The following STS variants were observed in gnomAD, a reference collection of about 807,000 sequenced individuals.
The protein encoded by STS is steroid sulfatase.
In STS, 7 loss-of-function variants were observed where a neutral mutation model predicts 26.8. The observed-to-expected ratio is 0.26, with a 90% confidence interval of 0.15 to 0.49. The LOEUF (loss-of-function observed/expected upper bound fraction) is 0.49, where lower values mean the gene tolerates loss of function less well. Among genes scored for constraint, STS ranks in the 20% least tolerant of loss-of-function variants. The probability of loss-of-function intolerance (pLI) is 0.98; values close to 1 mark genes in which losing one functional copy is unlikely to be tolerated. For synonymous variants in STS, 199 were observed against 189.4 expected, an observed-to-expected ratio of 1.05 and a Z score of -0.42; for missense variants, 434 against 465.6, an observed-to-expected ratio of 0.93 and a Z score of 0.63.
At position 7,353,428 on chromosome X, in the gene STS, A is replaced by G. The variant is rs1055548577; in HGVS notation, c.*3167A>G. Reference sequence around the variant, plus strand: ...TGCACCAACATAGTCATAAAATAGTATGTTAATATGTTTTTACTTTATATA... The same window carrying G: ...TGCACCAACATAGTCATAAAATAGTGTGTTAATATGTTTTTACTTTATATA... On this transcript the variant is annotated 3_prime_UTR_variant, in exon 11 of 11. Coordinates refer to ENST00000674429, the MANE Select transcript of STS (RefSeq NM_001320752.2). 2 of 110,752 alleles carry G rather than the reference A, an allele frequency of 1.8e-5. No homozygotes were observed. The highest frequency in any genetic ancestry group is 3.8e-5 in the Non-Finnish European group (2 of 53,013). 9.1% of individuals were successfully genotyped at this position (110,752 alleles called of 1,213,427 possible). A position where few individuals can be genotyped will look rare whatever the true frequency, so the allele number is the denominator to read the frequency against.
chrX:7,194,501 C>G lies in STS; in HGVS notation c.-5+3493C>G, dbSNP rs141393839. Among the ~76,000 whole-genome samples, 127 of 111,305 alleles carry G rather than the reference C, an allele frequency of 1.1e-3. 1 individual carries two copies. In the East Asian group the frequency reaches 0.035, roughly 30 times the overall value. ...ATAGGTCTTAGCAGAATGCAGGTCC[C>G]TCCCACAAGTCTAACCTTGGGGCCG... On this transcript the variant is annotated intron_variant, in intron 2 of 10. Coordinates refer to ENST00000674429, the MANE Select transcript of STS (RefSeq NM_001320752.2).
At chrX:7,309,231 G>A (rs1926367331) in intron 8 of STS, among the ~76,000 whole-genome samples, 1 of 111,755 alleles carries the variant, frequency 8.9e-6, no homozygotes, top group Non-Finnish European at 1.9e-5. Flanking sequence ...ATGAGATCAT[G>A]TCTTTTGTAA....
chrX:7,246,164 A>G (rs1380525982), intron 2 of STS, among the ~76,000 whole-genome samples: 1 of 112,059 alleles, frequency 8.9e-6, no homozygotes, highest in African/African-American at 3.2e-5. Flanking sequence ...AGCACACATC[A>G]TCTTGAGCCT....
intron 1 of STS, among the ~76,000 whole-genome samples, chrX:7,177,303 A>T (rs1232076897): frequency 1.8e-5 from 2 of 111,258 alleles, no homozygotes; most frequent in East Asian, 2.8e-4. Context: ...TTAGGAGTTC[A>T]TTAATAATGC....
At chrX:7,312,579 A>G (rs1926531694) in intron 8 of STS, among the ~76,000 whole-genome samples, 1 of 111,100 alleles carries the variant, frequency 9.0e-6, no homozygotes, top group Non-Finnish European at 1.9e-5. Context: ...TAATTGAATC[A>G]TGGGGGCGGG....
intron 10 of STS, among the ~76,000 whole-genome samples, chrX:7,345,057 A>G (rs1207825497): frequency 9.0e-6 from 1 of 110,924 alleles, no homozygotes; most frequent in Non-Finnish European, 1.9e-5. Flanking sequence ...AGCCAGAAGC[A>G]CTTGGGGCCC....
chrX:7,330,316 G>A (rs1927687635), intron 9 of STS, among the ~76,000 whole-genome samples: 1 of 111,698 alleles, frequency 9.0e-6, no homozygotes, highest in Non-Finnish European at 1.9e-5. Context: ...GTATGACCAT[G>A]CCCCTTCCTA....
intron 2 of STS, among the ~76,000 whole-genome samples, chrX:7,224,722 C>A (rs752922561): frequency 8.9e-6 from 1 of 112,062 alleles, no homozygotes; most frequent in East Asian, 2.8e-4. Context: ...CTGTTGCATT[C>A]CACGATAGCA....
chrX:7,172,775 G>A (rs777799959), intron 1 of STS, among the ~76,000 whole-genome samples: 3 of 111,507 alleles, frequency 2.7e-5, no homozygotes, highest in Admixed American at 9.6e-5. Flanking sequence ...TGGTCCAGAC[G>A]GTGAATAATG....
At chrX:7,319,967 T>A (rs1408108332) in intron 8 of STS, among the ~76,000 whole-genome samples, 20 of 89,904 alleles carry the variant, frequency 2.2e-4, no homozygotes, top group African/African-American at 8.9e-4. Flanking sequence ...ATATATATAT[T>A]TTATATATAT....
intron 6 of STS, among the ~76,000 whole-genome samples, chrX:7,271,228 G>A (rs946936794): frequency 4.5e-5 from 5 of 110,998 alleles, no homozygotes; most frequent in Middle Eastern, 4.6e-3. Context: ...ATAAATGGGA[G>A]AACAGATGAG....
intron 1 of STS, among the ~76,000 whole-genome samples, chrX:7,175,966 C>T (rs1462581574): frequency 9.0e-6 from 1 of 111,488 alleles, no homozygotes; most frequent in African/African-American, 3.3e-5. Flanking sequence ...GACATCTGAG[C>T]ACCACCTCCC....
chrX:7,340,862 G>T (rs770655296), intron 10 of STS, among the ~76,000 whole-genome samples: 1 of 111,505 alleles, frequency 9.0e-6, no homozygotes, highest in Admixed American at 9.5e-5. Flanking sequence ...ATGGCGGGAC[G>T]GATGGGAAAG....
intron 2 of STS, among the ~76,000 whole-genome samples, chrX:7,198,394 A>G (rs1356353582): frequency 9.0e-6 from 1 of 111,171 alleles, no homozygotes; most frequent in Non-Finnish European, 1.9e-5. Flanking sequence ...CACAGGGTCT[A>G]AAAAACATCT....
chrX:7,244,390 G>A (rs1432577944), intron 2 of STS, among the ~76,000 whole-genome samples: 2 of 111,880 alleles, frequency 1.8e-5, no homozygotes, highest in African/African-American at 3.3e-5. Context: ...TGTTAACACC[G>A]AAGATGTACT....
chrX:7,283,664 T>C (rs942836680), intron 7 of STS, among the ~76,000 whole-genome samples: 1 of 110,204 alleles, frequency 9.1e-6, no homozygotes, highest in Admixed American at 9.7e-5. Flanking sequence ...TCACCAAACT[T>C]ATTGATGATT....
chrX:7,176,408 G>A (rs1452792340), intron 1 of STS, among the ~76,000 whole-genome samples: 1 of 111,788 alleles, frequency 8.9e-6, no homozygotes, highest in African/African-American at 3.3e-5. Flanking sequence ...TTAGAGCAGA[G>A]CACACATGGA....
intron 1 of STS, among the ~76,000 whole-genome samples, chrX:7,177,447 AAT>A (rs1204635667): frequency 5.6e-5 from 6 of 106,692 alleles, no homozygotes; most frequent in Admixed American, 5.1e-4. Flanking sequence ...TTTAATTTAA[AAT>A]ATATATATAT....
intron 2 of STS, among the ~76,000 whole-genome samples, chrX:7,203,547 A>G (rs1403929991): frequency 1.8e-5 from 2 of 111,772 alleles, no homozygotes; most frequent in Non-Finnish European, 3.8e-5. Context: ...TTTCTCCATC[A>G]GTAGGAATAC....
Sources: gnomAD v4.1 joint callset for allele counts (sites outside exome capture counted in the v4.1 genomes callset) on GRCh38, gnomAD v4.1.1 for gene constraint, MANE v1.5 for transcripts, NCBI Gene and HGNC (gene_info 2026-07-23, HGNC 2026-07-21) for gene names.